Variants in IKBIP observed in about 807,000 individuals in gnomAD.
The protein encoded by IKBIP is IKBKB interacting protein.
Under a neutral mutation model 31.0 loss-of-function variants are expected in IKBIP, and 28 were observed. The observed-to-expected ratio is 0.90, with a 90% CI of 0.67 to 1.24. IKBIP has a LOEUF of 1.24. Among genes scored for constraint, IKBIP ranks in the 50% most tolerant of loss-of-function variants. The pLI, the probability that IKBIP is intolerant of heterozygous loss-of-function variation, is 0.00. For synonymous variants in IKBIP, 164 were observed against 160.3 expected, an observed-to-expected ratio of 1.02 and a Z score of -0.17; for missense variants, 453 against 441.9, an observed-to-expected ratio of 1.03 and a Z score of -0.23.
At position 98,625,394 on chromosome 12, in the gene IKBIP, T is replaced by C. The variant is rs2097613328; in HGVS notation, c.*536A>G. Reference sequence around the variant, plus strand: ...GGCTCTCCCTCAGGCATGTTATCTTTTATTTTACACAAAATTCCCATGAAC... The same window carrying C: ...GGCTCTCCCTCAGGCATGTTATCTTCTATTTTACACAAAATTCCCATGAAC... On this transcript the variant is annotated 3_prime_UTR_variant, in exon 3 of 3. Transcript: ENST00000299157. 1 of 694,112 alleles carries C rather than the reference T, an allele frequency of 1.4e-6. No individual in the cohort carries two copies. The highest frequency in any genetic ancestry group is 1.8e-6 in the Non-Finnish European group (1 of 564,478). 43.0% of individuals were successfully genotyped at this position (694,112 alleles called of 1,614,324 possible). A position where few individuals can be genotyped will look rare whatever the true frequency, so the allele number is the denominator to read the frequency against.
chr12:98,632,865 T>A (rs1232287843), intron 2 of IKBIP, among the ~76,000 whole-genome samples: 1 of 151,894 alleles, frequency 6.6e-6, no homozygotes, highest in Non-Finnish European at 1.5e-5. Context: ...GACCTCAAGG[T>A]GATCCGCCTG....
chr12:98,644,463 G>T, intron 1 of IKBIP, 60 bp downstream of exon 1: 1 of 1,480,266 alleles, frequency 6.8e-7, no homozygotes. Flanking sequence ...GAGCCGGGTG[G>T]GAGCCCAAAC....
chr12:98,620,405 C>T (rs1192074169), downstream of IKBIP, among the ~76,000 whole-genome samples: 2 of 148,824 alleles, frequency 1.3e-5, no homozygotes, highest in Non-Finnish European at 3.0e-5. Flanking sequence ...CTTGCTCTGT[C>T]GCCCAGGCTG....
rs2097612323 is a variant in IKBIP, at chr12:98,624,319, TAA to T, written c.*1609_*1610del. On this transcript the variant is annotated 3_prime_UTR_variant, in exon 3 of 3. Transcript: ENST00000299157. ...ATAGAATTTTGTCAGTGCACGCAAATAAGAGACATTCAGAAGTCAAGAAGTGT... is the reference window on the plus strand; with the variant it reads ...ATAGAATTTTGTCAGTGCACGCAAATGAGACATTCAGAAGTCAAGAAGTGT... The T allele has an allele frequency of 4.1e-6, 4 of 979,470 alleles. No homozygotes were observed. The highest frequency in any genetic ancestry group is 3.5e-5 in the African/African-American group (2 of 57,124). 60.7% of individuals were successfully genotyped at this position (979,470 alleles called of 1,614,324 possible). A position where few individuals can be genotyped will look rare whatever the true frequency, so the allele number is the denominator to read the frequency against.
intron 1 of IKBIP, among the ~76,000 whole-genome samples, chr12:98,638,960 CATTA>C (rs1226946566): frequency 2.0e-5 from 3 of 152,150 alleles, no homozygotes; most frequent in Non-Finnish European, 2.9e-5. Flanking sequence ...TTATTGTAGA[CATTA>C]GTTATTGCTA....
downstream of IKBIP, among the ~76,000 whole-genome samples, chr12:98,621,980 G>A (rs546597028): frequency 2.0e-5 from 3 of 152,020 alleles, no homozygotes; most frequent in East Asian, 5.8e-4. Flanking sequence ...GGAGGCTGAG[G>A]CAGGAGAACC....
chr12:98,625,146 A>G lies in IKBIP; in HGVS notation c.*784T>C. ...TAGAGACCATGGATCTAGCAAACTC[A>G]TGTCTAACACAGTTGGAACCTAAAA... On this transcript the variant is annotated 3_prime_UTR_variant, in exon 3 of 3. Transcript: ENST00000299157. 1.0e-6 allele frequency: 1 copy of G among 985,206 alleles called. No homozygotes were observed. The allele number at this position is 985,206 out of a possible 1,614,324, so 61.0% of individuals were successfully genotyped here. A position where few individuals can be genotyped will look rare whatever the true frequency, so the allele number is the denominator to read the frequency against.
At position 98,626,594 on chromosome 12, in the gene IKBIP, T is replaced by C. The variant is rs369103691; in HGVS notation, c.470A>G (p.Asp157Gly). 14 of 1,613,556 alleles carry C rather than the reference T, an allele frequency of 8.7e-6. No individual in the cohort carries two copies. The African/African-American group carries it at 1.9e-4, about 22-fold the overall frequency. Residue 157 changes from aspartate (D) to glycine (G), a missense_variant, in exon 3 of 3, where the codon GAT (aspartate) becomes GGT (glycine). Asp to Gly is a moderately conservative substitution (Grantham distance 94). Coordinates refer to ENST00000299157, the MANE Select transcript of IKBIP (RefSeq NM_153687.4). ...TTCTTCTAGGCTTCTCTTCCAGAAA[T>C]CCGTAATATTCTGAAATTTCTCATT... ...SLNEKFQNIT[D>G]FWKRSLEEMN... is the part of the protein sequence containing the mutation.
At chr12:98,639,510 G>A (rs939135332) in intron 1 of IKBIP, among the ~76,000 whole-genome samples, 3 of 152,186 alleles carry the variant, frequency 2.0e-5, no homozygotes, top group African/African-American at 2.4e-5. Flanking sequence ...TACTTTTAGC[G>A]TAGGCCTTAC....
In IKBIP at chr12:98,624,422, T is replaced by TGTC. The variant is rs1281435850; in HGVS notation, c.*1505_*1507dup. 2.0e-6 allele frequency: 2 copies of TGTC among 985,246 alleles called. No individual in the cohort carries two copies. The highest frequency in any genetic ancestry group is 2.4e-6 in the Non-Finnish European group (2 of 829,856). 61.0% of individuals were successfully genotyped at this position (985,246 alleles called of 1,614,324 possible). On this transcript the variant is annotated 3_prime_UTR_variant, in exon 3 of 3. Transcript: ENST00000299157. ...CCAGGCTTATTTTCATGATTCACGC[T>TGTC]GTCTACCACAGGCCCTCCTAACTCC...
chr12:98,621,911 A>G (rs1205922257), downstream of IKBIP, among the ~76,000 whole-genome samples: 1 of 152,012 alleles, frequency 6.6e-6, no homozygotes, highest in African/African-American at 2.4e-5. Flanking sequence ...CCTCATCTCT[A>G]CTAAAAATAC....
At position 98,634,354 on chromosome 12, in the gene IKBIP, T is replaced by G. The variant is rs1305187763; in HGVS notation, c.239A>C (p.Lys80Thr). 6.2e-7 allele frequency: 1 copy of G among 1,607,708 alleles called. No individual in the cohort carries two copies. Among genetic ancestry groups the G allele is most frequent in the Admixed American group, 1.7e-5 (1 of 59,846 alleles). The change falls in exon 2 of 3, where the codon AAA (lysine) becomes ACA (threonine). Residue 80 changes from lysine (K) to threonine (T), a missense_variant. Lys to Thr is a moderately conservative substitution (Grantham distance 78). Transcript: ENST00000299157. ...TTGTTGGAATTCATTGGTTTCTAGTTTCAGTAACTGGTATTGGTTTTCCAC... is the reference window on the plus strand; with the variant it reads ...TTGTTGGAATTCATTGGTTTCTAGTGTCAGTAACTGGTATTGGTTTTCCAC... The part of the protein sequence containing the change: ...AKVENQYQLL[K>T]LETNEFQQLQ...
chr12:98,632,870 C>T (rs1333104327), intron 2 of IKBIP, among the ~76,000 whole-genome samples: 4 of 151,850 alleles, frequency 2.6e-5, no homozygotes, highest in Non-Finnish European at 4.4e-5. Context: ...CAAGGTGATC[C>T]GCCTGCCTTG....
At chr12:98,632,849 A>G (rs2097622260) in intron 2 of IKBIP, among the ~76,000 whole-genome samples, 1 of 151,438 alleles carries the variant, frequency 6.6e-6, no homozygotes, top group Non-Finnish European at 1.5e-5. Flanking sequence ...CTGGTCTCGA[A>G]CTCCTGACCT....
intron 1 of IKBIP, 75 bp downstream of exon 1, chr12:98,644,448 A>C (rs1217050109): frequency 2.8e-6 from 4 of 1,422,084 alleles, no homozygotes; most frequent in African/African-American, 2.9e-5. Flanking sequence ...CTCCGGCTGG[A>C]TGTTGAGCCG....
chr12:98,631,791 C>CA (rs750178337), intron 2 of IKBIP, among the ~76,000 whole-genome samples: 4,694 of 81,674 alleles, frequency 0.057, 222 homozygotes, highest in African/African-American at 0.18. Context: ...ACCTCCCCCA[C>CA]AAAAAAAAAA....
At chr12:98,636,790 ATT>A (rs796516047) in intron 1 of IKBIP, among the ~76,000 whole-genome samples, 2 of 146,016 alleles carry the variant, frequency 1.4e-5, no homozygotes, top group African/African-American at 2.5e-5. Context: ...GGCTTTTAGG[ATT>A]TTTTTTTTTT....
At position 98,625,877 on chromosome 12, in the gene IKBIP, G is replaced by C. The variant is rs1167066772; in HGVS notation, c.*53C>G. On this transcript the variant is annotated 3_prime_UTR_variant, in exon 3 of 3. Transcript: ENST00000299157. ...GTATCAAAGTAACTCAAAATCAATG[G>C]ACTAATCAATTTATGTATAATGATA... is the stretch of plus-strand genomic sequence containing the variant. 3.8e-6 allele frequency: 5 copies of C among 1,311,552 alleles called. No individual in the cohort carries two copies. The highest frequency in any genetic ancestry group is 5.0e-6 in the Non-Finnish European group (5 of 1,001,570). 81.2% of individuals were successfully genotyped at this position (1,311,552 alleles called of 1,614,324 possible).
At chr12:98,616,770 C>T (rs902092018) in intron 2 of IKBIP, among the ~76,000 whole-genome samples, 1 of 152,050 alleles carries the variant, frequency 6.6e-6, no homozygotes, top group African/African-American at 2.4e-5. Context: ...TTCTTGGCAA[C>T]TTGGATGAGA....
Sources: gnomAD v4.1 joint callset for allele counts (sites outside exome capture counted in the v4.1 genomes callset) on GRCh38, gnomAD v4.1.1 for gene constraint, MANE v1.5 for transcripts, NCBI Gene and HGNC (gene_info 2026-07-23, HGNC 2026-07-21) for gene names.